The following SPINK13 variants were observed in gnomAD, a reference collection of about 807,000 sequenced individuals.
SPINK13 encodes the protein serine protease inhibitor Kazal-type 13.
Under a neutral mutation model 11.0 loss-of-function variants are expected in SPINK13, and 11 were observed. The observed-to-expected ratio is 1.00, with a 90% confidence interval of 0.63 to 1.65. The LOEUF is 1.65. Among genes scored for constraint, SPINK13 ranks in the 40% most tolerant of loss-of-function variants. The pLI, the probability that SPINK13 is intolerant of heterozygous loss-of-function variation, is 0.00. For synonymous variants in SPINK13, 31 were observed against 35.6 expected (o/e 0.87, Z 0.46); for missense variants, 113 against 117.7 (o/e 0.96, Z 0.19).
Position 148,268,845 on chromosome 5 carries a change from T to TCCTGGAACAG in SPINK13, c.-75_-74insTGGAACAGCC, listed in dbSNP as rs1756304109. 8.6e-6 allele frequency: 1 copy of TCCTGGAACAG among 116,844 alleles called. No homozygotes were observed. The highest frequency in any genetic ancestry group is 6.6e-5 in the African/African-American group (1 of 15,190). 7.2% of individuals were successfully genotyped at this position (116,844 alleles called of 1,614,324 possible). ...GCTCTTCTCAAGGCTAGTTGTGACA[T>TCCTGGAACAG]CCAAAGTGACAAGAGCAGGCCCATA... is the stretch of plus-strand genomic sequence containing the variant. On this transcript the variant is annotated 5_prime_UTR_variant, in exon 1 of 5. Coordinates refer to ENST00000398450, the MANE Select transcript of SPINK13 (RefSeq NM_001040129.3).
At chr5:148,281,145 G>C (rs985154325) in intron 3 of SPINK13, among the ~76,000 whole-genome samples, 2 of 152,160 alleles carry the variant, frequency 1.3e-5, no homozygotes, top group Non-Finnish European at 2.9e-5. Context: ...CACCAAGCTT[G>C]AGTGTCCCAG....
At chr5:148,282,256 AT>A (rs1188251781) in intron 4 of SPINK13, 25 bp downstream of exon 4, 21 of 1,611,936 alleles carry the variant, frequency 1.3e-5, no homozygotes, top group Non-Finnish European at 1.7e-5. Flanking sequence ...AAATGCCATT[AT>A]TTTTTCCCTC....
intron 2 of SPINK13, among the ~76,000 whole-genome samples, chr5:148,272,433 T>C (rs954990982): frequency 2.0e-5 from 3 of 152,212 alleles, no homozygotes; most frequent in African/African-American, 7.2e-5. Context: ...TTTTTTTGTT[T>C]TCCTTCCAGA....
chr5:148,269,223 A>T (rs1317427641), intron 1 of SPINK13, among the ~76,000 whole-genome samples: 5 of 152,104 alleles, frequency 3.3e-5, no homozygotes, highest in African/African-American at 1.2e-4. Flanking sequence ...ATATGTTTAA[A>T]CTCTACTTAT....
At chr5:148,282,080 C>T (rs1756523862) in intron 3 of SPINK13, 24 bp from the exon 4 acceptor site, 5 of 1,613,192 alleles carry the variant, frequency 3.1e-6, no homozygotes, top group Middle Eastern at 1.7e-4. Flanking sequence ...TTATTTGTCA[C>T]TTTATGGTGT....
intron 4 of SPINK13, among the ~76,000 whole-genome samples, chr5:148,284,681 C>T (rs867732285): frequency 1.3e-5 from 2 of 152,142 alleles, no homozygotes; most frequent in Admixed American, 1.3e-4. Flanking sequence ...AGGGTAATTC[C>T]TTGGTCTCTG....
chr5:148,276,628 G>A (rs1756433665), intron 3 of SPINK13, among the ~76,000 whole-genome samples: 1 of 152,136 alleles, frequency 6.6e-6, no homozygotes, highest in Non-Finnish European at 1.5e-5. Flanking sequence ...TGTTATTTCT[G>A]AGGCCTCTGT....
At chr5:148,269,999 GCTGTGGGGGAAA>G in intron 1 of SPINK13, 29 bp from the exon 2 acceptor site, 1 of 1,427,220 alleles carries the variant, frequency 7.0e-7, no homozygotes. Flanking sequence ...GGAAAAGCTA[GCTGTGGGGGAAA>G]CTAAAAACAA....
At chr5:148,279,676 TG>T (rs2113371881) in intron 3 of SPINK13, among the ~76,000 whole-genome samples, 1 of 152,326 alleles carries the variant, frequency 6.6e-6, no homozygotes, top group East Asian at 1.9e-4. Flanking sequence ...CTTCTTTCCA[TG>T]GGTAAACCGA....
chr5:148,284,143 A>C, intron 4 of SPINK13, among the ~76,000 whole-genome samples: 6 of 107,690 alleles, frequency 5.6e-5, no homozygotes, highest in African/African-American at 2.7e-4. Context: ...TCCTTCATCA[A>C]TTCCTTCCTT....
chr5:148,286,209 C>T lies in SPINK13; in HGVS notation c.*161C>T, dbSNP rs1349730903. 22 of 391,914 alleles carry T rather than the reference C, an allele frequency of 5.6e-5. No homozygotes were observed. Among genetic ancestry groups the T allele is most frequent in the Non-Finnish European group, 9.3e-5 (20 of 216,002 alleles). 24.3% of individuals were successfully genotyped at this position (391,914 alleles called of 1,614,324 possible). ...ATGAAGGAATCAAACTGACAAGAAC[C>T]AAATATCACATTTGTTACAAATAAA... On this transcript the variant is annotated 3_prime_UTR_variant, in exon 5 of 5. Coordinates refer to ENST00000398450, the MANE Select transcript of SPINK13 (RefSeq NM_001040129.3).
chr5:148,274,504 T>A (rs1483922070), intron 3 of SPINK13, 120 bp downstream of exon 3: 1 of 763,914 alleles, frequency 1.3e-6, no homozygotes, highest in Non-Finnish European at 2.1e-6. Context: ...TTCCAGAACT[T>A]AGGGAAGCTG....
intron 3 of SPINK13, among the ~76,000 whole-genome samples, chr5:148,274,973 C>T (rs984914870): frequency 6.6e-6 from 1 of 152,038 alleles, no homozygotes; most frequent in African/African-American, 2.4e-5. Flanking sequence ...CAAAGCTAAA[C>T]CGTGGTAAAT....
At chr5:148,285,946 A>G in intron 4 of SPINK13, 54 bp from the exon 5 acceptor site, 1 of 1,069,364 alleles carries the variant, frequency 9.4e-7, no homozygotes, top group South Asian at 1.5e-5. Context: ...TACATTCAAT[A>G]CCAATGTTCA....
At chr5:148,282,379 A>C in intron 4 of SPINK13, 148 bp downstream of exon 4, 1 of 952,602 alleles carries the variant, frequency 1.0e-6, no homozygotes, top group Middle Eastern at 2.8e-4. Flanking sequence ...GACAGACTAC[A>C]GAGAGAGTGA....
chr5:148,275,101 A>G (rs1439466208), intron 3 of SPINK13, among the ~76,000 whole-genome samples: 2 of 152,110 alleles, frequency 1.3e-5, no homozygotes, highest in African/African-American at 2.4e-5. Context: ...TGTCATCTAC[A>G]TTAGGTATTT....
chr5:148,283,882 T>A (rs540886326), intron 4 of SPINK13, among the ~76,000 whole-genome samples: 1 of 152,146 alleles, frequency 6.6e-6, no homozygotes, highest in African/African-American at 2.4e-5. Context: ...CTCTGGAAAA[T>A]CACATAGATT....
At position 148,282,210 on chromosome 5, in the gene SPINK13, G is replaced by A. The variant is rs1756526835; in HGVS notation, c.215G>A (p.Cys72Tyr). 2.5e-6 allele frequency: 4 copies of A among 1,614,110 alleles called. No individual in the cohort carries two copies. The highest frequency in any genetic ancestry group is 3.4e-6 in the Non-Finnish European group (4 of 1,180,006). ...AATGGCCACACTTTCCAGAATGAGTGTTTCTTTTGTGTTGAACAGAGGTAA... is the reference window on the plus strand; with the variant it reads ...AATGGCCACACTTTCCAGAATGAGTATTTCTTTTGTGTTGAACAGAGGTAA... ...ASNGHTFQNE[C>Y]FFCVEQREFH... The change falls in exon 4 of 5, where the codon TGT becomes TAT. Residue 72 changes from cysteine to tyrosine, a missense_variant. Physicochemically the swap from Cys to Tyr is radical, Grantham distance 194. Transcript: ENST00000398450.
intron 3 of SPINK13, among the ~76,000 whole-genome samples, chr5:148,277,335 G>C (rs1756445686): frequency 6.6e-6 from 1 of 152,188 alleles, no homozygotes; most frequent in Non-Finnish European, 1.5e-5. Context: ...TGGTGAGAGA[G>C]GACATCCTTG....
Sources: gnomAD v4.1 joint callset for allele counts (sites outside exome capture counted in the v4.1 genomes callset) on GRCh38, gnomAD v4.1.1 for gene constraint, MANE v1.5 for transcripts, NCBI Gene and HGNC (gene_info 2026-07-23, HGNC 2026-07-21) for gene names.